The following NLGN1 variants were observed in gnomAD, a reference collection of about 807,000 sequenced individuals.
NLGN1 encodes the protein neuroligin-1.
In NLGN1, 12 loss-of-function variants were observed where a neutral mutation model predicts 65.5. The observed-to-expected ratio is 0.18, with a 90% CI of 0.12 to 0.30. NLGN1 has a LOEUF of 0.30. NLGN1 is among the 10% of genes least tolerant of loss of function. The probability of loss-of-function intolerance (pLI) is 1.00; values close to 1 mark genes in which losing one functional copy is unlikely to be tolerated. For synonymous variants in NLGN1, 350 were observed against 359.5 expected (o/e 0.97, Z 0.30); for missense variants, 750 against 1,007.1 (o/e 0.74, Z 3.46).
chr3:173,720,975 C>T (rs1273650593), intron 3 of NLGN1, among the ~76,000 whole-genome samples: 1 of 152,148 alleles, frequency 6.6e-6, no homozygotes, highest in Non-Finnish European at 1.5e-5. Flanking sequence ...TAAGAGGTAG[C>T]TGATCAGGCA....
intron 1 of NLGN1, among the ~76,000 whole-genome samples, chr3:173,398,767 A>G (rs1717091687): frequency 6.6e-6 from 1 of 152,190 alleles, no homozygotes; most frequent in African/African-American, 2.4e-5. Flanking sequence ...GCATTTTTAC[A>G]GGTAGTTAAT....
intron 2 of NLGN1, among the ~76,000 whole-genome samples, chr3:173,586,054 T>C: frequency 6.6e-6 from 1 of 152,200 alleles, no homozygotes. Context: ...TACAAAGAAC[T>C]GATTTATTTG....
intron 4 of NLGN1, among the ~76,000 whole-genome samples, chr3:174,063,452 AG>A (rs1737830589): frequency 6.6e-6 from 1 of 152,324 alleles, no homozygotes; most frequent in Admixed American, 6.5e-5. Flanking sequence ...GATAAATAGA[AG>A]AGATAAACTT....
chr3:173,831,857 C>A (rs1307532512), intron 4 of NLGN1, among the ~76,000 whole-genome samples: 1 of 152,142 alleles, frequency 6.6e-6, no homozygotes, highest in East Asian at 1.9e-4. Flanking sequence ...TATTTAGATT[C>A]TCTTTCTCTT....
chr3:174,127,957 A>G, intron 4 of NLGN1, among the ~76,000 whole-genome samples: 1 of 152,206 alleles, frequency 6.6e-6, no homozygotes, highest in East Asian at 1.9e-4. Context: ...AGCTGTGTAC[A>G]GAAGCGGCTT....
chr3:173,559,689 A>G (rs1300000201), intron 2 of NLGN1, among the ~76,000 whole-genome samples: 1 of 152,238 alleles, frequency 6.6e-6, no homozygotes, highest in East Asian at 1.9e-4. Context: ...ATGTATAAAT[A>G]GAAGTCGAGA....
intron 4 of NLGN1, among the ~76,000 whole-genome samples, chr3:173,958,030 G>C (rs1712548813): frequency 6.6e-6 from 1 of 152,190 alleles, no homozygotes; most frequent in Non-Finnish European, 1.5e-5. Context: ...ACTGCAAGCA[G>C]CTTCCACAGT....
Position 174,082,556 on chromosome 3 carries a change from T to C in NLGN1, c.647-192759T>C, listed in dbSNP as rs1188779062. On this transcript the variant is annotated intron_variant, in intron 4 of 6. Coordinates refer to ENST00000457714, the Ensembl canonical transcript of NLGN1. Reference sequence around the variant, plus strand: ...ATAGAGTTTAAGATATAATAGTAAATAGAATATATACAATAGTATATACTG... The same window carrying C: ...ATAGAGTTTAAGATATAATAGTAAACAGAATATATACAATAGTATATACTG... 2.6e-5 allele frequency among the ~76,000 whole-genome samples: 4 copies of C among 151,610 alleles called. No individual in the cohort carries two copies. In the East Asian group the frequency reaches 7.7e-4, roughly 29 times the overall value.
chr3:174,157,132 T>G (rs1577138319), intron 4 of NLGN1, among the ~76,000 whole-genome samples: 1 of 151,740 alleles, frequency 6.6e-6, no homozygotes, highest in East Asian at 1.9e-4. Context: ...CCTGAGGATG[T>G]GTGGATGTGT....
chr3:173,420,346 C>T (rs575068445), intron 1 of NLGN1, among the ~76,000 whole-genome samples: 9 of 151,946 alleles, frequency 5.9e-5, no homozygotes, highest in East Asian at 1.9e-4. Flanking sequence ...TTTGTCCTTG[C>T]GATAGTTTGC....
At chr3:173,539,648 A>G (rs1173394072) in intron 2 of NLGN1, among the ~76,000 whole-genome samples, 1 of 62,668 alleles carries the variant, frequency 1.6e-5, no homozygotes, top group African/African-American at 4.6e-5. Flanking sequence ...ATATACATAT[A>G]TAACATATGT....
Position 174,279,025 on chromosome 3 carries a change from C to T in NLGN1, c.1024C>T (p.Leu342Phe), listed in dbSNP as rs1751110217. ...CCTACAGAAGAAGCCTTACAAAGAA[C>T]TTGTTGACCAAGATATTCAACCAGC... The change falls in exon 6 of 7, where the codon CTT becomes TTT. Residue 342 changes from leucine (L) to phenylalanine (F), a missense_variant. Transcript: ENST00000457714. This position sits in a 1 kb window ranked among gnomAD's most constrained non-coding sequence, Gnocchi z 4.7. 1.9e-6 allele frequency: 3 copies of T among 1,605,570 alleles called. No homozygotes were observed. Among genetic ancestry groups the T allele is most frequent in the Non-Finnish European group, 2.6e-6 (3 of 1,176,202 alleles).
chr3:173,830,519 A>G (rs1268385741), intron 4 of NLGN1, among the ~76,000 whole-genome samples: 1 of 152,204 alleles, frequency 6.6e-6, no homozygotes, highest in East Asian at 1.9e-4. Context: ...GATTGGCATT[A>G]TCCATCTATT....
chr3:173,641,507 G>A (rs764764290), intron 3 of NLGN1, among the ~76,000 whole-genome samples: 2 of 152,032 alleles, frequency 1.3e-5, no homozygotes, highest in African/African-American at 4.8e-5. Context: ...ATGTTGGCCC[G>A]GCTGGTCTCC....
chr3:174,242,334 A>T (rs539744129), intron 4 of NLGN1, among the ~76,000 whole-genome samples: 2 of 151,948 alleles, frequency 1.3e-5, no homozygotes, highest in Admixed American at 1.3e-4. Context: ...CAGAGGTTGC[A>T]GTGAGCCGAG....
intron 4 of NLGN1, among the ~76,000 whole-genome samples, chr3:173,875,382 T>C (rs1231347579): frequency 2.0e-5 from 3 of 152,220 alleles, no homozygotes. Flanking sequence ...CTTTCACTTT[T>C]AGTCTATTCA....
intron 4 of NLGN1, among the ~76,000 whole-genome samples, chr3:174,236,870 A>G (rs1233725466): frequency 1.3e-5 from 2 of 152,076 alleles, no homozygotes; most frequent in African/African-American, 2.4e-5. Context: ...GCTTACTTTT[A>G]GTTTCCCAGT....
chr3:174,128,792 A>G (rs915686425), intron 4 of NLGN1, among the ~76,000 whole-genome samples: 1 of 152,170 alleles, frequency 6.6e-6, no homozygotes, highest in African/African-American at 2.4e-5. Context: ...ATGGTGCTGC[A>G]TAAAGCAACC....
chr3:174,247,950 T>C (rs1744098235), intron 4 of NLGN1, among the ~76,000 whole-genome samples: 1 of 152,212 alleles, frequency 6.6e-6, no homozygotes, highest in Non-Finnish European at 1.5e-5. Context: ...CCATAGGACA[T>C]GTTTTTAGCC....
Sources: gnomAD v4.1 joint callset for allele counts (sites outside exome capture counted in the v4.1 genomes callset) on GRCh38, gnomAD v4.1.1 for gene constraint, Gnocchi (gnomAD v3.1) non-coding constraint, MANE v1.5 for transcripts, NCBI Gene and HGNC (gene_info 2026-07-23, HGNC 2026-07-21) for gene names.